FGF14: variants seen among roughly 807,000 people sequenced by gnomAD.
FGF14 encodes the protein fibroblast growth factor homologous factor 4.
FGF14 carries 5 observed loss-of-function variants against 25.5 expected under a neutral mutation model. The ratio of observed to expected loss-of-function variants is 0.20; its 90% CI spans 0.10 to 0.41. FGF14 has a LOEUF of 0.41. FGF14 is among the 10% of genes least tolerant of loss of function. FGF14 has a pLI of 1.00. For synonymous variants in FGF14, 138 were observed against 118.3 expected (o/e 1.17, Z -1.08); for missense variants, 222 against 320.1 (o/e 0.69, Z 2.34).
intron 1 of FGF14, among the ~76,000 whole-genome samples, chr13:102,150,426 T>C (rs2047033968): frequency 6.6e-6 from 1 of 152,186 alleles, no homozygotes; most frequent in Admixed American, 6.5e-5. Context: ...TGTTACATTA[T>C]TTCTCTAAGG....
chr13:102,161,632 AAGAAGAAGAAGAAG>A lies in FGF14; in HGVS notation c.208+239825_208+239838del. Reference sequence around the variant, plus strand: ...GAAGAAGAAGAAGAAGAAGAAGAAGAAGAAGAAGAAGAAGAAGAAGAAGAAGAAGAAGAAGAAGA... The same window carrying A: ...GAAGAAGAAGAAGAAGAAGAAGAAGAAAGAAGAAGAAGAAGAAGAAGAAGA... On this transcript the variant is annotated intron_variant, in intron 1 of 4. Coordinates refer to the FGF14 transcript ENST00000376131. Among the ~76,000 whole-genome samples, 22 of 12,124 alleles carry A rather than the reference AAGAAGAAGAAGAAG, an allele frequency of 1.8e-3. 1 individual carries two copies. Among genetic ancestry groups the A allele is most frequent in the Non-Finnish European group, 3.5e-3 (21 of 6,020 alleles). The allele number at this position is 12,124 out of a possible 152,430, so 8.0% of individuals were successfully genotyped here.
chr13:102,220,801 T>C (rs1032113869), intron 1 of FGF14, among the ~76,000 whole-genome samples: 2 of 152,220 alleles, frequency 1.3e-5, no homozygotes, highest in Admixed American at 6.5e-5. Flanking sequence ...AGCATAAGAT[T>C]ATACAAGTTA....
intron 3 of FGF14, among the ~76,000 whole-genome samples, chr13:101,787,471 T>G (rs2039906211): frequency 6.6e-6 from 1 of 152,196 alleles, no homozygotes; most frequent in Non-Finnish European, 1.5e-5. Context: ...ATTTTAAATC[T>G]AACTTTACTG....
At chr13:102,073,637 C>A (rs759697360) in intron 1 of FGF14, among the ~76,000 whole-genome samples, 1 of 136,184 alleles carries the variant, frequency 7.3e-6, no homozygotes, top group Non-Finnish European at 1.6e-5. Flanking sequence ...GTGACTCATT[C>A]ATTCCTTAAA....
chr13:102,086,511 CAG>C (rs1307063673), intron 1 of FGF14, among the ~76,000 whole-genome samples: 3 of 151,930 alleles, frequency 2.0e-5, no homozygotes, highest in African/African-American at 4.8e-5. Context: ...TCCTGGGCGA[CAG>C]AGAGAGACTC....
At chr13:102,198,895 C>A (rs1204799399) in intron 1 of FGF14, among the ~76,000 whole-genome samples, 1 of 152,170 alleles carries the variant, frequency 6.6e-6, no homozygotes, top group Non-Finnish European at 1.5e-5. Flanking sequence ...GTTCCTGGAA[C>A]AAATGGAAAG....
At chr13:102,116,117 A>T (rs1252387204) in intron 1 of FGF14, among the ~76,000 whole-genome samples, 1 of 148,460 alleles carries the variant, frequency 6.7e-6, no homozygotes, top group East Asian at 1.9e-4. Flanking sequence ...TCTCAAATAA[A>T]CAAACAAACA....
intron 1 of FGF14, among the ~76,000 whole-genome samples, chr13:102,154,056 C>A (rs1191990663): frequency 2.6e-5 from 4 of 152,156 alleles, no homozygotes; most frequent in Middle Eastern, 3.4e-3. Flanking sequence ...GAGTTTAGCT[C>A]GTATTCTATA....
At chr13:102,227,744 C>T (rs1033200432) in intron 1 of FGF14, among the ~76,000 whole-genome samples, 1 of 152,034 alleles carries the variant, frequency 6.6e-6, no homozygotes, top group Non-Finnish European at 1.5e-5. Flanking sequence ...TATAAAAATA[C>T]TAAGTATGAA....
rs1157996419 is a variant in FGF14 at position 101,719,689 on chromosome 13, A to G, written c.*3142T>C. On this transcript the variant is annotated 3_prime_UTR_variant, in exon 5 of 5. Coordinates refer to ENST00000376143, the MANE Select transcript of FGF14 (RefSeq NM_004115.4). The stretch of plus-strand genomic sequence containing the variant: ...AAATCAGTAGAAATAACCCTCCCAC[A>G]CCAGATATGCATGCAGAAGGAATGG... 2.6e-5 allele frequency: 4 copies of G among 152,070 alleles called. No homozygotes were observed. The highest frequency in any genetic ancestry group is 5.9e-5 in the Non-Finnish European group (4 of 67,988). The allele number at this position is 152,070 out of a possible 1,614,324, so 9.4% of individuals were successfully genotyped here.
chr13:102,247,681 T>G (rs1229065334), intron 1 of FGF14, among the ~76,000 whole-genome samples: 1 of 152,160 alleles, frequency 6.6e-6, no homozygotes, highest in Non-Finnish European at 1.5e-5. Flanking sequence ...AGCAGTGTGG[T>G]GATTCCTCAA....
intron 1 of FGF14, among the ~76,000 whole-genome samples, chr13:102,246,567 T>C (rs142429360): frequency 6.6e-6 from 1 of 152,052 alleles, no homozygotes; most frequent in Non-Finnish European, 1.5e-5. Flanking sequence ...AATGAGGAAA[T>C]TTTATATCCA....
chr13:101,737,796 C>T (rs2036287707), intron 3 of FGF14, among the ~76,000 whole-genome samples: 1 of 152,018 alleles, frequency 6.6e-6, no homozygotes, highest in Non-Finnish European at 1.5e-5. Flanking sequence ...CTACTTTTTT[C>T]TCTTTCAACC....
chr13:101,733,268 G>A (rs1487769375), intron 3 of FGF14, among the ~76,000 whole-genome samples: 2 of 152,090 alleles, frequency 1.3e-5, no homozygotes, highest in Non-Finnish European at 1.5e-5. Flanking sequence ...GGTTGTGTGT[G>A]TACCTCAAAT....
intron 1 of FGF14, among the ~76,000 whole-genome samples, chr13:102,331,260 G>A (rs1250726590): frequency 1.3e-5 from 2 of 152,058 alleles, no homozygotes; most frequent in Non-Finnish European, 2.9e-5. Context: ...ATTCTGAACT[G>A]CTCCATTTTC....
chr13:101,853,114 T>C lies in FGF14; in HGVS notation c.408+15611A>G, dbSNP rs180770766. On this transcript the variant is annotated intron_variant, in intron 3 of 4. Transcript: ENST00000376143. ...TGAGAGAGATGGTTGCCCAGTCTTG[T>C]GATCACCTGAGAGTGTGTAGAATGA... Among the ~76,000 whole-genome samples, 3 of 152,214 alleles carry C rather than the reference T, an allele frequency of 2.0e-5. No individual in the cohort carries two copies. The East Asian group carries it at 5.8e-4, about 30-fold the overall frequency.
chr13:102,285,429 G>C (rs1394087585), intron 1 of FGF14, among the ~76,000 whole-genome samples: 2 of 152,056 alleles, frequency 1.3e-5, no homozygotes, highest in Admixed American at 1.3e-4. Flanking sequence ...CAGTTGGTGG[G>C]GTAAATGCTA....
chr13:101,738,817 G>C (rs962162127), intron 3 of FGF14, among the ~76,000 whole-genome samples: 1 of 151,498 alleles, frequency 6.6e-6, no homozygotes, highest in Admixed American at 6.6e-5. Flanking sequence ...AGACTATAAA[G>C]TGGGAAGAAT....
chr13:101,760,474 A>T (rs7334452), intron 3 of FGF14, among the ~76,000 whole-genome samples: 62,356 of 152,044 alleles, frequency 0.41, 14,517 homozygotes, highest in Non-Finnish European at 0.52. Context: ...AAAATCGATG[A>T]AAAGTAAGCA....
Sources: allele counts gnomAD v4.1 joint callset (sites outside exome capture counted in the v4.1 genomes callset), GRCh38; gene constraint gnomAD v4.1.1; transcripts MANE v1.5; gene names NCBI Gene and HGNC (gene_info 2026-07-23, HGNC 2026-07-21).